TAFA1: variants seen among roughly 807,000 people sequenced by gnomAD.
TAFA1 encodes the protein TAFA chemokine like family member 1, also known as chemokine-like protein TAFA-1.
A neutral mutation model predicts 18.5 loss-of-function variants in TAFA1; 4 were observed. The observed-to-expected ratio is 0.22, with a 90% CI of 0.11 to 0.49. The LOEUF is 0.49. Among genes scored for constraint, TAFA1 ranks in the 20% least tolerant of loss-of-function variants. TAFA1 has a pLI of 0.98. For synonymous variants in TAFA1, 56 were observed against 55.2 expected (o/e 1.01, Z -0.06); for missense variants, 147 against 169.0 (o/e 0.87, Z 0.72).
chr3:68,229,128 T>A (rs536030724), intron 2 of TAFA1, among the ~76,000 whole-genome samples: 1 of 152,318 alleles, frequency 6.6e-6, no homozygotes, highest in East Asian at 1.9e-4. Context: ...CTTGTGATTT[T>A]TGAACCAGAT....
chr3:68,060,252 G>C (rs991447768), intron 2 of TAFA1, among the ~76,000 whole-genome samples: 1 of 151,458 alleles, frequency 6.6e-6, no homozygotes, highest in African/African-American at 2.4e-5. Context: ...TCCCTCTGGG[G>C]ATGTCAACTT....
chr3:68,088,960 T>C (rs2065001910), intron 2 of TAFA1, among the ~76,000 whole-genome samples: 1 of 151,972 alleles, frequency 6.6e-6, no homozygotes, highest in East Asian at 1.9e-4. Context: ...GGGAAGGAGA[T>C]GTTCAATATA....
intron 2 of TAFA1, among the ~76,000 whole-genome samples, chr3:68,393,680 T>G (rs571311618): frequency 7.6e-4 from 115 of 152,158 alleles, no homozygotes; most frequent in Non-Finnish European, 1.4e-3. Context: ...CAAGTCAGCT[T>G]CATCCCGAGG....
At chr3:68,168,984 A>C (rs2106954505) in intron 2 of TAFA1, among the ~76,000 whole-genome samples, 1 of 152,306 alleles carries the variant, frequency 6.6e-6, no homozygotes, top group East Asian at 1.9e-4. Context: ...TCTGGAAATA[A>C]ATTTGCTATT....
At chr3:68,069,693 C>G (rs1429339704) in intron 2 of TAFA1, among the ~76,000 whole-genome samples, 2 of 152,160 alleles carry the variant, frequency 1.3e-5, no homozygotes, top group Admixed American at 1.3e-4. Context: ...AAATCAAAAG[C>G]AAGTTAGTTA....
At chr3:68,155,814 T>A (rs1374083165) in intron 2 of TAFA1, among the ~76,000 whole-genome samples, 1 of 152,150 alleles carries the variant, frequency 6.6e-6, no homozygotes, top group African/African-American at 2.4e-5. Flanking sequence ...CTCCATTATA[T>A]CCCAGTTTCA....
At chr3:68,334,355 T>TTGTTGG (rs200967532) in intron 2 of TAFA1, among the ~76,000 whole-genome samples, 4,740 of 134,866 alleles carry the variant, frequency 0.035, 177 homozygotes, top group African/African-American at 0.1. Flanking sequence ...TATATTTCTT[T>TTGTTGG]TGTTGTTGTT....
At chr3:68,338,912 A>G (rs772925451) in intron 2 of TAFA1, among the ~76,000 whole-genome samples, 17 of 152,214 alleles carry the variant, frequency 1.1e-4, no homozygotes, top group Non-Finnish European at 1.8e-4. Context: ...ATTCAAGTAC[A>G]GGCCAAGTTT....
chr3:68,212,465 T>G (rs1199170860), intron 2 of TAFA1, among the ~76,000 whole-genome samples: 1 of 152,002 alleles, frequency 6.6e-6, no homozygotes, highest in Non-Finnish European at 1.5e-5. Flanking sequence ...TGCTATTATC[T>G]TTGTTCCCCT....
intron 3 of TAFA1, among the ~76,000 whole-genome samples, chr3:68,417,837 G>C (rs1192948109): frequency 6.6e-6 from 1 of 152,168 alleles, no homozygotes; most frequent in Non-Finnish European, 1.5e-5. Context: ...TCAATCACAG[G>C]AGAAAGTGAA....
At position 68,545,303 on chromosome 3, in the gene TAFA1, T is replaced by C. The variant is rs1236903650; in HGVS notation, c.*800T>C. 6.6e-6 allele frequency: 1 copy of C among 152,588 alleles called. No homozygotes were observed. Among genetic ancestry groups the C allele is most frequent in the African/African-American group, 2.4e-5 (1 of 41,430 alleles). 9.5% of individuals were successfully genotyped at this position (152,588 alleles called of 1,614,324 possible). ...AGCCACTCCACCATGCTATTAAGAC[T>C]CTGGCAGAGTTATGGGTAGGATATG... On this transcript the variant is annotated 3_prime_UTR_variant, in exon 5 of 5. Transcript: ENST00000478136.
chr3:68,460,589 G>C (rs2071756614), intron 3 of TAFA1, among the ~76,000 whole-genome samples: 1 of 152,162 alleles, frequency 6.6e-6, no homozygotes, highest in African/African-American at 2.4e-5. Context: ...TCTTCTCTGT[G>C]TTATAGATTC....
rs542122478 is a variant in TAFA1 at position 68,125,372 on chromosome 3, T to C, written c.118+118628T>C. 2.0e-5 allele frequency among the ~76,000 whole-genome samples: 3 copies of C among 152,236 alleles called. No homozygotes were observed. In the South Asian group the frequency reaches 6.2e-4, roughly 32 times the overall value. On this transcript the variant is annotated intron_variant, in intron 2 of 4. Coordinates refer to ENST00000478136, the MANE Select transcript of TAFA1 (RefSeq NM_213609.4). ...GTGCTGCTATTGTGAATTTTGCTAT[T>C]GTTATTATTACAAGTGCTACTGCTG...
intron 2 of TAFA1, among the ~76,000 whole-genome samples, chr3:68,089,843 G>C (rs2065011557): frequency 6.6e-6 from 1 of 152,098 alleles, no homozygotes; most frequent in South Asian, 2.1e-4. Context: ...AATATTAAAG[G>C]GACAAATGTA....
chr3:68,174,179 G>T (rs907787929), intron 2 of TAFA1, among the ~76,000 whole-genome samples: 3 of 152,198 alleles, frequency 2.0e-5, no homozygotes, highest in Admixed American at 2.0e-4. Flanking sequence ...GCATTGGTTT[G>T]CATGGAACTG....
rs1288380155 is a variant in TAFA1 at position 68,229,820 on chromosome 3, G to A, written c.119-187460G>A. ...TACATGTGTAGTTTAACCCCCTTAA[G>A]GCTCAGTTTCTTCATCTATATAACG... On this transcript the variant is annotated intron_variant, in intron 2 of 4. Coordinates refer to ENST00000478136, the MANE Select transcript of TAFA1 (RefSeq NM_213609.4). Among the ~76,000 whole-genome samples, 4 of 152,192 alleles carry A rather than the reference G, an allele frequency of 2.6e-5. No individual in the cohort carries two copies. In the East Asian group the frequency reaches 7.7e-4, roughly 29 times the overall value.
At chr3:68,529,711 G>A (rs1405311132) in intron 3 of TAFA1, among the ~76,000 whole-genome samples, 5 of 152,132 alleles carry the variant, frequency 3.3e-5, no homozygotes, top group Non-Finnish European at 7.3e-5. Flanking sequence ...AGGAAGCAAG[G>A]GAGAGAGGAG....
intron 2 of TAFA1, among the ~76,000 whole-genome samples, chr3:68,279,320 C>A (rs551465439): frequency 6.6e-6 from 1 of 152,216 alleles, no homozygotes; most frequent in East Asian, 1.9e-4. Flanking sequence ...CTTTTGCCAA[C>A]CTTGGAGCCC....
At chr3:68,119,634 G>A (rs775726925) in intron 2 of TAFA1, among the ~76,000 whole-genome samples, 15 of 151,630 alleles carry the variant, frequency 9.9e-5, no homozygotes, top group Non-Finnish European at 2.1e-4. Context: ...GGAATAGTTT[G>A]TTCTTTTCAC....
Sources: allele counts gnomAD v4.1 joint callset (sites outside exome capture counted in the v4.1 genomes callset), GRCh38; gene constraint gnomAD v4.1.1; transcripts MANE v1.5; gene names NCBI Gene and HGNC (gene_info 2026-07-23, HGNC 2026-07-21).